Variants in PRMT1 observed in about 807,000 individuals in gnomAD.
PRMT1 encodes protein arginine methyltransferase 1, also known as protein arginine N-methyltransferase 1.
In PRMT1, 5 loss-of-function variants were observed where a neutral mutation model predicts 47.4. The ratio of observed to expected loss-of-function variants is 0.11; its 90% CI spans 0.06 to 0.22. PRMT1 has a LOEUF of 0.22. Ranked by LOEUF, PRMT1 falls within the 10% of genes least tolerant of loss-of-function variation. PRMT1 has a pLI of 1.00. For synonymous variants in PRMT1, 227 were observed against 204.6 expected (o/e 1.11, Z -0.94); for missense variants, 249 against 518.4 (o/e 0.48, Z 5.05).
At chr19:49,683,668 A>T (rs1342902292) in intron 5 of PRMT1, 3 of 367,528 alleles carry the variant, frequency 8.2e-6, no homozygotes, top group Non-Finnish European at 1.5e-5. Context: ...AGCCTGGGTG[A>T]CAGAGCAAGA....
upstream of PRMT1, chr19:49,677,228 T>C: frequency 2.2e-6 from 3 of 1,362,360 alleles, no homozygotes; most frequent in South Asian, 1.9e-5. Context: ...CCCGGGGGAG[T>C]GAGGAGAAAG....
At position 49,682,378 on chromosome 19, in the gene PRMT1, A is replaced by G. The variant is rs2082132125; in HGVS notation, c.412+119A>G. ...CCACAGATTCAGCAGCTCCCAACCCATGGTCTTTTGGGCTGCCGGCCGCCT... is the reference window on the plus strand; with the variant it reads ...CCACAGATTCAGCAGCTCCCAACCCGTGGTCTTTTGGGCTGCCGGCCGCCT... On this transcript the variant is annotated intron_variant, in intron 5 of 10. Transcript: ENST00000454376. 5 of 1,123,088 alleles carry G rather than the reference A, an allele frequency of 4.5e-6. No homozygotes were observed. In the African/African-American group the frequency reaches 7.8e-5, roughly 17 times the overall value. The allele number at this position is 1,123,088 out of a possible 1,614,324, so 69.6% of individuals were successfully genotyped here. A position where few individuals can be genotyped will look rare whatever the true frequency, so the allele number is the denominator to read the frequency against.
upstream of PRMT1, among the ~76,000 whole-genome samples, chr19:49,676,679 C>T (rs910687541): frequency 6.6e-6 from 1 of 152,204 alleles, no homozygotes; most frequent in African/African-American, 2.4e-5. Flanking sequence ...TCCAGACTCC[C>T]CCCGGGTTGG....
chr19:49,685,939 A>G lies in PRMT1; in HGVS notation c.760-154A>G. The G allele has an allele frequency of 2.1e-6, 3 of 1,446,344 alleles. No individual in the cohort carries two copies. The highest frequency in any genetic ancestry group is 1.5e-5 in the South Asian group (1 of 68,284). 89.6% of individuals were successfully genotyped at this position (1,446,344 alleles called of 1,614,324 possible). On this transcript the variant is annotated intron_variant, in intron 8 of 10. Coordinates refer to ENST00000454376, the MANE Select transcript of PRMT1 (RefSeq NM_001536.6). This position sits in a 1 kb window ranked among gnomAD's most constrained non-coding sequence, Gnocchi z 4.7. ...ATTGGGAGCCGGATAGGCAGGATGC[A>G]GAGTGAAGGAGGAGCCGAGGCTGGG...
Position 49,680,621 on chromosome 19 carries a change from T to C in PRMT1, c.192+33T>C, listed in dbSNP as rs763349619. 17 of 1,501,836 alleles carry C rather than the reference T, an allele frequency of 1.1e-5. 1 individual carries two copies. In the South Asian group the frequency reaches 1.8e-4, roughly 16 times the overall value. The allele number at this position is 1,501,836 out of a possible 1,614,324, so 93.0% of individuals were successfully genotyped here. ...GGGACAGTCCCCAAGGCCCCAATCT[T>C]AGGGGGGCTTAAATGTTGGGGAAGG... is the stretch of plus-strand genomic sequence containing the variant. On this transcript the variant is annotated intron_variant, in intron 3 of 10. Transcript: ENST00000454376. This position sits in a 1 kb window ranked among gnomAD's most constrained non-coding sequence, Gnocchi z 4.2.
chr19:49,687,185 T>C (rs891359414), intron 10 of PRMT1, among the ~76,000 whole-genome samples: 11 of 152,022 alleles, frequency 7.2e-5, no homozygotes, highest in African/African-American at 2.7e-4. Flanking sequence ...CAGCTTTTTG[T>C]TTTCTGCTCC....
In PRMT1 at chr19:49,685,959, G is replaced by T. The variant is rs1052827784; in HGVS notation, c.760-134G>T. 1.1e-5 allele frequency: 16 copies of T among 1,476,400 alleles called. No individual in the cohort carries two copies. The African/African-American group carries it at 2.1e-4, about 19-fold the overall frequency. 91.5% of individuals were successfully genotyped at this position (1,476,400 alleles called of 1,614,324 possible). ...GATGCAGAGTGAAGGAGGAGCCGAGGCTGGGTGCCAGTGAGGGAGGGCTAG... is the reference window on the plus strand; with the variant it reads ...GATGCAGAGTGAAGGAGGAGCCGAGTCTGGGTGCCAGTGAGGGAGGGCTAG... On this transcript the variant is annotated intron_variant, in intron 8 of 10. Coordinates refer to ENST00000454376, the MANE Select transcript of PRMT1 (RefSeq NM_001536.6). The surrounding 1 kb of genome is among the most constrained non-coding windows in gnomAD (Gnocchi z 4.7).
At position 49,684,234 on chromosome 19, in the gene PRMT1, T is replaced by C. The variant is rs536812169; in HGVS notation, c.555+165T>C. Among the ~76,000 whole-genome samples the C allele has an allele frequency of 6.6e-6, 1 of 151,662 alleles. No homozygotes were observed. Among genetic ancestry groups the C allele is most frequent in the Admixed American group, 6.6e-5 (1 of 15,266 alleles). ...AGGTGTGACAGACCCTGGAGGGAGA[T>C]GGTGCGATGTGGGGGAGGTCGTAGG... is the stretch of plus-strand genomic sequence containing the variant. On this transcript the variant is annotated intron_variant, in intron 6 of 10. Coordinates refer to ENST00000454376, the MANE Select transcript of PRMT1 (RefSeq NM_001536.6). The surrounding 1 kb of genome is among the most constrained non-coding windows in gnomAD (Gnocchi z 6.2).
chr19:49,685,617 CCGGGGGATCCTGT>C lies in PRMT1; in HGVS notation c.760-470_760-458del, dbSNP rs1386242059. On this transcript the variant is annotated intron_variant, in intron 8 of 10. Coordinates refer to ENST00000454376, the MANE Select transcript of PRMT1 (RefSeq NM_001536.6). This position sits in a 1 kb window ranked among gnomAD's most constrained non-coding sequence, Gnocchi z 4.7. ...GAGCCGGGTGAAGCTGGGTGGCTGACCGGGGGATCCTGTCGGGGAGGAGTAAGTTGTTGAGTGG... is the reference window on the plus strand; with the variant it reads ...GAGCCGGGTGAAGCTGGGTGGCTGACCGGGGAGGAGTAAGTTGTTGAGTGG... 9.9e-7 allele frequency: 1 copy of C among 1,010,786 alleles called. No individual in the cohort carries two copies. The highest frequency in any genetic ancestry group is 1.0e-4 in the East Asian group (1 of 9,602). The allele number at this position is 1,010,786 out of a possible 1,614,324, so 62.6% of individuals were successfully genotyped here.
At chr19:49,686,066 C>T (rs754465738) in intron 8 of PRMT1, 27 bp from the exon 9 acceptor site, 24 of 1,602,744 alleles carry the variant, frequency 1.5e-5, no homozygotes, top group East Asian at 6.7e-5. Flanking sequence ...GGACGCATCC[C>T]GGAGCTCGCC....
intron 1 of PRMT1, among the ~76,000 whole-genome samples, chr19:49,677,763 G>A (rs1055630466): frequency 5.3e-5 from 8 of 152,080 alleles, no homozygotes; most frequent in East Asian, 1.9e-4. Flanking sequence ...CACGCCGTGG[G>A]GTGTGATCGA....
At chr19:49,682,814 TCTCA>T (rs1334033281) in intron 5 of PRMT1, among the ~76,000 whole-genome samples, 2 of 126,978 alleles carry the variant, frequency 1.6e-5, no homozygotes, top group African/African-American at 6.2e-5. Flanking sequence ...TGAGATGGAG[TCTCA>T]CTCTTTTGCC....
At position 49,680,142 on chromosome 19, in the gene PRMT1, C is replaced by T. The variant is rs538737328; in HGVS notation, c.90+217C>T. ...ACTTCCTTAACTCCACCTCCAACCC[C>T]CCTTTGCCCTTCCCTGTGTCTGCCC... On this transcript the variant is annotated intron_variant, in intron 2 of 10. Coordinates refer to ENST00000454376, the MANE Select transcript of PRMT1 (RefSeq NM_001536.6). This position sits in a 1 kb window ranked among gnomAD's most constrained non-coding sequence, Gnocchi z 4.2. 450 of 1,382,218 alleles carry T rather than the reference C, an allele frequency of 3.3e-4. 1 individual carries two copies. Among genetic ancestry groups the T allele is most frequent in the Non-Finnish European group, 4.3e-4 (423 of 989,104 alleles). The allele number at this position is 1,382,218 out of a possible 1,614,324, so 85.6% of individuals were successfully genotyped here. A position where few individuals can be genotyped will look rare whatever the true frequency, so the allele number is the denominator to read the frequency against.
At chr19:49,679,961 A>G in intron 2 of PRMT1, 36 bp downstream of exon 2, 2 of 1,568,280 alleles carry the variant, frequency 1.3e-6, no homozygotes, top group Non-Finnish European at 1.7e-6. Flanking sequence ...CCCCACCCTG[A>G]CCTCCACATC....
At chr19:49,683,848 C>T (rs2082161753) in intron 5 of PRMT1, 79 bp from the exon 6 acceptor site, 1 of 1,537,154 alleles carries the variant, frequency 6.5e-7, no homozygotes. Context: ...GTGGGGTCCC[C>T]AGGCTCTAGC....
At position 49,684,166 on chromosome 19, in the gene PRMT1, TG is replaced by T; in HGVS notation, c.555+102del. On this transcript the variant is annotated intron_variant, in intron 6 of 10. Coordinates refer to ENST00000454376, the MANE Select transcript of PRMT1 (RefSeq NM_001536.6). This position sits in a 1 kb window ranked among gnomAD's most constrained non-coding sequence, Gnocchi z 6.2. ...TTTTTCCCACAGACGGGACTTACTG[TG>T]GGGGCTTAGCTGCAAGGTGTTAGAA... The T allele has an allele frequency of 6.6e-7, 1 of 1,515,120 alleles. No individual in the cohort carries two copies. Among genetic ancestry groups the T allele is most frequent in the Non-Finnish European group, 9.0e-7 (1 of 1,107,918 alleles). The allele number at this position is 1,515,120 out of a possible 1,614,324, so 93.9% of individuals were successfully genotyped here.
At chr19:49,686,945 A>G (rs1415832130) in intron 10 of PRMT1, among the ~76,000 whole-genome samples, 1 of 152,046 alleles carries the variant, frequency 6.6e-6, no homozygotes, top group Non-Finnish European at 1.5e-5. Context: ...TTGCTTGAGC[A>G]TTCACCGGAA....
rs534774898 is a variant in PRMT1, at chr19:49,684,506, G to A, written c.556-248G>A. On this transcript the variant is annotated intron_variant, in intron 6 of 10. Coordinates refer to ENST00000454376, the MANE Select transcript of PRMT1 (RefSeq NM_001536.6). This position sits in a 1 kb window ranked among gnomAD's most constrained non-coding sequence, Gnocchi z 6.2. ...ATTTTGTGGAGGCTTATGGGACCCC[G>A]TGCTTTTCCTCTCAGAGCAGCTAGG... Among the ~76,000 whole-genome samples, 4 of 152,274 alleles carry A rather than the reference G, an allele frequency of 2.6e-5. No homozygotes were observed. In the South Asian group the frequency reaches 8.3e-4, roughly 32 times the overall value.
chr19:49,680,312 T>C lies in PRMT1; in HGVS notation c.91-175T>C. 8.1e-7 allele frequency: 1 copy of C among 1,233,774 alleles called. No individual in the cohort carries two copies. Among genetic ancestry groups the C allele is most frequent in the Non-Finnish European group, 1.2e-6 (1 of 850,174 alleles). The allele number at this position is 1,233,774 out of a possible 1,614,324, so 76.4% of individuals were successfully genotyped here. A position where few individuals can be genotyped will look rare whatever the true frequency, so the allele number is the denominator to read the frequency against. On this transcript the variant is annotated intron_variant, in intron 2 of 10. Transcript: ENST00000454376. The surrounding 1 kb of genome is among the most constrained non-coding windows in gnomAD (Gnocchi z 4.2). The stretch of plus-strand genomic sequence containing the variant: ...GGGGTCCTGGAAGTGGAAAATGGGG[T>C]TGTTAGGTTTTGGGGTTCCTGGGGG...
Sources: gnomAD v4.1 joint callset for allele counts (sites outside exome capture counted in the v4.1 genomes callset) on GRCh38, gnomAD v4.1.1 for gene constraint, Gnocchi (gnomAD v3.1) non-coding constraint, MANE v1.5 for transcripts, NCBI Gene and HGNC (gene_info 2026-07-23, HGNC 2026-07-21) for gene names.